The following HMCN1 variants were observed in gnomAD, a reference collection of about 807,000 sequenced individuals.
The protein encoded by HMCN1 is hemicentin 1, also known as hemicentin-1.
In HMCN1, 321 loss-of-function variants were observed where a neutral mutation model predicts 625.9. That is an observed-to-expected ratio of 0.51 (90% CI 0.47 to 0.56). The LOEUF is 0.56. Ranked by LOEUF, HMCN1 falls within the 20% of genes least tolerant of loss-of-function variation. HMCN1 has a pLI of 0.00. For missense variants in HMCN1, 6,588 were observed against 6,887.3 expected (o/e 0.96, Z 1.54); for synonymous variants, 2,425 against 2,417.6 (o/e 1.00, Z -0.09).
intron 4 of HMCN1, among the ~76,000 whole-genome samples, chr1:185,872,709 C>A (rs776968639): frequency 6.6e-6 from 1 of 152,068 alleles, no homozygotes; most frequent in Non-Finnish European, 1.5e-5. Flanking sequence ...ATAAGCCCTG[C>A]AAAATGAGAG....
chr1:185,913,818 G>T (rs1042561739), intron 6 of HMCN1, among the ~76,000 whole-genome samples: 1 of 152,112 alleles, frequency 6.6e-6, no homozygotes, highest in African/African-American at 2.4e-5. Flanking sequence ...TCTTGGCCAT[G>T]TTCTGTGCTA....
intron 36 of HMCN1, among the ~76,000 whole-genome samples, chr1:186,035,308 C>T (rs577875682): frequency 2.0e-5 from 3 of 152,258 alleles, no homozygotes; most frequent in African/African-American, 7.2e-5. Context: ...TCTTTAGGAA[C>T]AACTCCCAGG....
chr1:185,913,922 G>C (rs755685341), intron 6 of HMCN1, among the ~76,000 whole-genome samples: 3 of 152,098 alleles, frequency 2.0e-5, no homozygotes, highest in Non-Finnish European at 4.4e-5. Context: ...CTTTGATCAG[G>C]TGATGAGGTG....
chr1:186,100,497 T>C (rs1283289043), intron 68 of HMCN1, among the ~76,000 whole-genome samples: 1 of 152,118 alleles, frequency 6.6e-6, no homozygotes, highest in Non-Finnish European at 1.5e-5. Context: ...GGGGTTTTCA[T>C]AGGGCCAGGT....
rs1653344648 is a variant in HMCN1, at chr1:186,003,701, C to T, written c.4349-17C>T. 2 of 1,612,314 alleles carry T rather than the reference C, an allele frequency of 1.2e-6. No individual in the cohort carries two copies. The highest frequency in any genetic ancestry group is 1.3e-5 in the African/African-American group (1 of 74,832). On this transcript the variant is annotated splice_polypyrimidine_tract_variant and intron_variant, in intron 28 of 106. Transcript: ENST00000271588. Reference sequence around the variant, plus strand: ...TGCTGAGTAACAGAGTTTCATAATACACTGTCTTTGTTCAAGTTCCACCCA... The same window carrying T: ...TGCTGAGTAACAGAGTTTCATAATATACTGTCTTTGTTCAAGTTCCACCCA...
At chr1:185,965,738 A>G (rs940710016) in intron 13 of HMCN1, 64 bp from the exon 14 acceptor site, 2 of 927,950 alleles carry the variant, frequency 2.2e-6, no homozygotes, top group African/African-American at 3.2e-5. Flanking sequence ...CATTTAGTAA[A>G]CATAAACAAA....
chr1:185,873,608 A>G (rs1181897034), intron 4 of HMCN1, among the ~76,000 whole-genome samples: 1 of 152,042 alleles, frequency 6.6e-6, no homozygotes, highest in Non-Finnish European at 1.5e-5. Flanking sequence ...CATATTTTAT[A>G]TATTTAATTT....
At chr1:185,827,695 T>A (rs937410657) in intron 1 of HMCN1, among the ~76,000 whole-genome samples, 2 of 151,974 alleles carry the variant, frequency 1.3e-5, no homozygotes, top group Admixed American at 1.3e-4. Flanking sequence ...TGTCACAAAA[T>A]AAATATTTAA....
intron 63 of HMCN1, among the ~76,000 whole-genome samples, chr1:186,090,419 A>G (rs6687977): frequency 0.63 from 95,780 of 151,726 alleles, 32,366 homozygotes; most frequent in African/African-American, 0.89. Flanking sequence ...AAAAATGCAC[A>G]CTGCCTTACC....
At chr1:185,815,389 T>C (rs1659780011) in intron 1 of HMCN1, among the ~76,000 whole-genome samples, 1 of 150,224 alleles carries the variant, frequency 6.7e-6, no homozygotes, top group South Asian at 2.1e-4. Flanking sequence ...TTTCTTTTCA[T>C]TAATAGCATT....
chr1:186,082,943 T>G lies in HMCN1; in HGVS notation c.8866T>G (p.Phe2956Val), dbSNP rs1341116834. ...ENTAGSAKKYFNLNVHVPPSV... is the reference protein window; with the variant it reads ...ENTAGSAKKYVNLNVHVPPSV... ...CACAGCTGGGAGTGCCAAAAAATAT[T>G]TTAACCTCAATGTTCATGGTAAGAG... The change falls in exon 57 of 107, where the codon TTT (phenylalanine) becomes GTT (valine). Residue 2956 changes from phenylalanine (F) to valine (V), a missense_variant. Phe to Val is a conservative substitution (Grantham distance 50). This residue lies in a region of HMCN1 where 4,628 missense variants were observed against 4,853.1 expected (regional missense o/e 0.95). Coordinates refer to ENST00000271588, the MANE Select transcript of HMCN1 (RefSeq NM_031935.3). 1.3e-6 allele frequency: 2 copies of G among 1,591,048 alleles called. No individual in the cohort carries two copies. The highest frequency in any genetic ancestry group is 1.7e-6 in the Non-Finnish European group (2 of 1,165,786).
At chr1:185,888,657 C>T (rs1664835249) in intron 4 of HMCN1, among the ~76,000 whole-genome samples, 2 of 147,390 alleles carry the variant, frequency 1.4e-5, no homozygotes, top group South Asian at 4.2e-4. Flanking sequence ...TGTTGTGTTC[C>T]ATTGATCTAT....
At position 185,930,943 on chromosome 1, in the gene HMCN1, CAG is replaced by C. The variant is rs1251589242; in HGVS notation, c.1552+2279_1552+2280del. Among the ~76,000 whole-genome samples, 20 of 150,592 alleles carry C rather than the reference CAG, an allele frequency of 1.3e-4. No homozygotes were observed. The East Asian group carries it at 3.9e-3, about 29-fold the overall frequency. On this transcript the variant is annotated intron_variant, in intron 10 of 106. Coordinates refer to ENST00000271588, the MANE Select transcript of HMCN1 (RefSeq NM_031935.3). ...ACACACACACACACACACACACACA[CAG>C]AGTACTAAAATTCTGAGTTTAGGTA...
chr1:185,865,687 T>A lies in HMCN1; in HGVS notation c.499-54T>A, dbSNP rs1663141421. On this transcript the variant is annotated intron_variant, in intron 3 of 106. Transcript: ENST00000271588. ...CACAATAGGTAGTCAATACACATAT[T>A]TTTTTATTTCTGGAAACCCTTTACA... 2.0e-6 allele frequency: 3 copies of A among 1,526,246 alleles called. No individual in the cohort carries two copies. The East Asian group carries it at 6.8e-5, about 35-fold the overall frequency. 94.5% of individuals were successfully genotyped at this position (1,526,246 alleles called of 1,614,324 possible). A position where few individuals can be genotyped will look rare whatever the true frequency, so the allele number is the denominator to read the frequency against.
Position 186,088,221 on chromosome 1 carries a change from T to A in HMCN1, c.9522T>A (p.Asp3174Glu), listed in dbSNP as rs76432158. Reference sequence around the variant, plus strand: ...GCAATCCTGTGACATTAACATGTGATGCCACTGGGATCCCACCTCCCACGA... The same window carrying A: ...GCAATCCTGTGACATTAACATGTGAAGCCACTGGGATCCCACCTCCCACGA... ...TISNPVTLTC[D>E]ATGIPPPTIA... Residue 3174 changes from aspartate to glutamate, a missense_variant, in exon 62 of 107, where the codon GAT becomes GAA. By Grantham distance (45) the Asp-to-Glu change is conservative. Transcript: ENST00000271588. The A allele has an allele frequency of 3.8e-4, 608 of 1,612,974 alleles. 6 individuals carry two copies. The East Asian group carries it at 0.011, about 30-fold the overall frequency.
rs1212022877 is a variant in HMCN1 at position 185,734,936 on chromosome 1, T to A, written c.157T>A (p.Tyr53Asn). The change falls in exon 1 of 107, where the codon TAT (tyrosine) becomes AAT (asparagine). Residue 53 changes from tyrosine (Y) to asparagine (N), a missense_variant. Around this residue, in one of 3 missense-constraint regions of HMCN1, gnomAD observed 4,628 missense variants for 4,853.1 expected, o/e 0.95. Transcript: ENST00000271588. ...TGTGTTTGATGTGACTGGTTCTATG[T>A]ATGATGATTTAGTTCAGGTGATTGA... is the stretch of plus-strand genomic sequence containing the variant. The part of the protein sequence containing the change: ...AFVFDVTGSM[Y>N]DDLVQVIEGA... 2 of 1,614,032 alleles carry A rather than the reference T, an allele frequency of 1.2e-6. No individual in the cohort carries two copies. The highest frequency in any genetic ancestry group is 1.7e-5 in the Admixed American group (1 of 60,006).
At chr1:185,770,674 G>T (rs935973426) in intron 1 of HMCN1, among the ~76,000 whole-genome samples, 1 of 152,122 alleles carries the variant, frequency 6.6e-6, no homozygotes, top group African/African-American at 2.4e-5. Context: ...CTAAGTTATG[G>T]CAGTGTGAGA....
chr1:186,182,072 T>C (rs1652967621), intron 104 of HMCN1, 96 bp from the exon 105 acceptor site: 1 of 1,386,270 alleles, frequency 7.2e-7, no homozygotes, highest in African/African-American at 1.4e-5. Flanking sequence ...CAAGAAGTTT[T>C]TCTAATGTAT....
intron 4 of HMCN1, among the ~76,000 whole-genome samples, chr1:185,868,579 C>G (rs1461040491): frequency 6.6e-6 from 1 of 152,122 alleles, no homozygotes; most frequent in Non-Finnish European, 1.5e-5. Flanking sequence ...TTCACTCCCC[C>G]TTCCGTCATG....
Sources: gnomAD v4.1 joint callset for allele counts (sites outside exome capture counted in the v4.1 genomes callset) on GRCh38, gnomAD v4.1.1 for gene constraint, gnomAD v4.1.1 regional missense constraint, MANE v1.5 for transcripts, NCBI Gene and HGNC (gene_info 2026-07-23, HGNC 2026-07-21) for gene names.